COL5A2: variants seen among roughly 807,000 people sequenced by gnomAD.
The protein encoded by COL5A2 is collagen alpha-2(V) chain.
Under a neutral mutation model 208.2 loss-of-function variants are expected in COL5A2, and 23 were observed. The observed-to-expected ratio is 0.11, with a 90% CI of 0.08 to 0.16. COL5A2 has a LOEUF of 0.16. Ranked by LOEUF, COL5A2 falls within the 10% of genes least tolerant of loss-of-function variation. The pLI is 1.00. For synonymous variants in COL5A2, 625 were observed against 628.5 expected (o/e 0.99, Z 0.08); for missense variants, 1,590 against 1,956.4 (o/e 0.81, Z 3.53).
chr2:189,229,262 A>G (rs897615038), upstream of COL5A2, among the ~76,000 whole-genome samples: 1 of 151,070 alleles, frequency 6.6e-6, no homozygotes. Flanking sequence ...ACAGATACCC[A>G]CTCCTGCCAC....
chr2:189,034,738 T>C (rs886216430), intron 53 of COL5A2, among the ~76,000 whole-genome samples, 178 bp downstream of exon 53: 6 of 152,144 alleles, frequency 3.9e-5, no homozygotes, highest in Non-Finnish European at 7.4e-5. Flanking sequence ...GATTCAAACC[T>C]CTATCATGCT....
chr2:189,439,397 AG>A, the COL5A2 span, among the ~76,000 whole-genome samples: 2 of 152,224 alleles, frequency 1.3e-5, no homozygotes, highest in Non-Finnish European at 2.9e-5. Context: ...TTCTGTATAT[AG>A]GCTATGCTCT....
chr2:189,223,068 C>CT (rs1202457556), intron 1 of COL5A2, among the ~76,000 whole-genome samples: 1 of 152,112 alleles, frequency 6.6e-6, no homozygotes, highest in African/African-American at 2.4e-5. Context: ...TGGGTTTTGT[C>CT]TAAGTCAGTC....
intron 1 of COL5A2, among the ~76,000 whole-genome samples, chr2:189,167,860 G>C (rs1688496979): frequency 6.6e-6 from 1 of 151,848 alleles, no homozygotes; most frequent in African/African-American, 2.4e-5. Context: ...CACCTTAAAG[G>C]CTTGAACACC....
At chr2:189,345,898 A>G in the COL5A2 span, among the ~76,000 whole-genome samples, 1 of 152,314 alleles carries the variant, frequency 6.6e-6, no homozygotes, top group Non-Finnish European at 1.5e-5. Context: ...ATTATATTAC[A>G]TTACATTACT....
chr2:189,233,949 T>C, the COL5A2 span, among the ~76,000 whole-genome samples: 16 of 151,902 alleles, frequency 1.1e-4, no homozygotes, highest in East Asian at 3.1e-3. Context: ...ATGCATTTGC[T>C]CTTTCAGTCA....
At chr2:189,142,092 A>T (rs973351548) in intron 1 of COL5A2, among the ~76,000 whole-genome samples, 1 of 152,146 alleles carries the variant, frequency 6.6e-6, no homozygotes, top group African/African-American at 2.4e-5. Context: ...ATAAGTTATC[A>T]TTGGAATGGA....
At chr2:189,348,858 CT>C in the COL5A2 span, among the ~76,000 whole-genome samples, 2 of 152,110 alleles carry the variant, frequency 1.3e-5, no homozygotes, top group East Asian at 3.9e-4. Flanking sequence ...CAATTTATTA[CT>C]TTTTCTTTAG....
At chr2:189,417,434 C>G in the COL5A2 span, among the ~76,000 whole-genome samples, 1 of 52,942 alleles carries the variant, frequency 1.9e-5, no homozygotes. Flanking sequence ...GTCTTCCTTA[C>G]TATTCTTTTT....
At chr2:189,411,245 T>C in the COL5A2 span, among the ~76,000 whole-genome samples, 1 of 152,210 alleles carries the variant, frequency 6.6e-6, no homozygotes, top group South Asian at 2.1e-4. Flanking sequence ...TTGGCTCTTC[T>C]GTGCTGACAG....
In COL5A2 at chr2:189,123,626, G is replaced by A. The variant is rs547291124; in HGVS notation, c.98-13177C>T. On this transcript the variant is annotated intron_variant, in intron 1 of 53. Transcript: ENST00000374866. ...AACACAGGTGTATGGTCTAGACATCGAATGAAATAAAAGTTTTGGAGAGAT... is the reference window on the plus strand; with the variant it reads ...AACACAGGTGTATGGTCTAGACATCAAATGAAATAAAAGTTTTGGAGAGAT... 1.3e-4 allele frequency among the ~76,000 whole-genome samples: 20 copies of A among 152,232 alleles called. 1 individual carries two copies. In the South Asian group the frequency reaches 1.9e-3, roughly 14 times the overall value.
chr2:189,110,099 C>A (rs919238922), intron 2 of COL5A2, 126 bp downstream of exon 2: 20 of 759,038 alleles, frequency 2.6e-5, no homozygotes, highest in Non-Finnish European at 2.4e-5. Context: ...TAATCATTAA[C>A]CCCAAAAGCC....
intron 20 of COL5A2, 47 bp from the exon 21 acceptor site, chr2:189,068,160 G>T (rs766088913): frequency 1.4e-5 from 23 of 1,600,166 alleles, no homozygotes; most frequent in Non-Finnish European, 1.9e-5. Flanking sequence ...ACAGGTAGCA[G>T]TCTGGGGCCA....
the COL5A2 span, among the ~76,000 whole-genome samples, chr2:189,389,075 T>C: frequency 6.6e-6 from 1 of 152,188 alleles, no homozygotes; most frequent in Non-Finnish European, 1.5e-5. Context: ...TGTAAATTTT[T>C]AGGAGTTTTT....
At chr2:189,160,479 C>T (rs1347503934) in intron 1 of COL5A2, among the ~76,000 whole-genome samples, 1 of 152,090 alleles carries the variant, frequency 6.6e-6, no homozygotes, top group African/African-American at 2.4e-5. Context: ...TATAAACAGC[C>T]TACTCTGCCA....
the COL5A2 span, among the ~76,000 whole-genome samples, chr2:189,380,610 A>C: frequency 9.1e-4 from 139 of 151,958 alleles, no homozygotes; most frequent in African/African-American, 3.2e-3. Flanking sequence ...ACATGTATTT[A>C]TGCTGTTCAA....
intron 16 of COL5A2, among the ~76,000 whole-genome samples, chr2:189,077,419 C>A (rs114329902): frequency 1.3e-5 from 2 of 152,126 alleles, no homozygotes; most frequent in Admixed American, 1.3e-4. Flanking sequence ...TACACTGTCT[C>A]GTGATATTGC....
intron 3 of COL5A2, among the ~76,000 whole-genome samples, chr2:189,100,758 A>T (rs1344711188): frequency 6.6e-6 from 1 of 151,970 alleles, no homozygotes; most frequent in Non-Finnish European, 1.5e-5. Flanking sequence ...AAATCAATTG[A>T]CTAAGAAAAT....
At position 189,092,294 on chromosome 2, in the gene COL5A2, A is replaced by T. The variant is rs367568850; in HGVS notation, c.567+16T>A. The T allele has an allele frequency of 6.7e-7, 1 of 1,498,180 alleles. No homozygotes were observed. The highest frequency in any genetic ancestry group is 9.2e-7 in the Non-Finnish European group (1 of 1,081,372). The allele number at this position is 1,498,180 out of a possible 1,614,324, so 92.8% of individuals were successfully genotyped here. A position where few individuals can be genotyped will look rare whatever the true frequency, so the allele number is the denominator to read the frequency against. On this transcript the variant is annotated intron_variant, in intron 7 of 53. Transcript: ENST00000374866. ...ACATGACCTGTACGTGACATCAAAC[A>T]ATGCACACAACTCACCCTGCTCAAG...
Sources: gnomAD v4.1 joint callset for allele counts (sites outside exome capture counted in the v4.1 genomes callset) on GRCh38, gnomAD v4.1.1 for gene constraint, MANE v1.5 for transcripts, NCBI Gene and HGNC (gene_info 2026-07-23, HGNC 2026-07-21) for gene names.